The following SP140 variants were observed in gnomAD, a reference collection of about 807,000 sequenced individuals.
SP140 encodes the protein nuclear body protein SP140.
Under a neutral mutation model 125.0 loss-of-function variants are expected in SP140, and 81 were observed. The observed-to-expected ratio is 0.65, with a 90% CI of 0.54 to 0.78. The LOEUF (loss-of-function observed/expected upper bound fraction) is 0.78. Among genes scored for constraint, SP140 ranks in the 30% least tolerant of loss-of-function variants. SP140 has a pLI of 0.00. For synonymous variants in SP140, 312 were observed against 354.0 expected, an observed-to-expected ratio of 0.88 and a Z score of 1.33; for missense variants, 858 against 1,037.0, an observed-to-expected ratio of 0.83 and a Z score of 2.37.
At chr2:230,268,225 T>A (rs2149339825) in intron 12 of SP140, among the ~76,000 whole-genome samples, 1 of 152,184 alleles carries the variant, frequency 6.6e-6, no homozygotes, top group South Asian at 2.1e-4. Context: ...TAAGACTTTT[T>A]AAAAATAGAC....
chr2:230,252,288 T>G (rs2050488880), intron 10 of SP140, among the ~76,000 whole-genome samples: 3 of 151,752 alleles, frequency 2.0e-5, no homozygotes, highest in Non-Finnish European at 2.9e-5. Flanking sequence ...GAAGAGAAAG[T>G]CCACAGAGCC....
intron 15 of SP140, among the ~76,000 whole-genome samples, chr2:230,274,672 T>A (rs1346498742): frequency 6.6e-6 from 1 of 152,094 alleles, no homozygotes; most frequent in Non-Finnish European, 1.5e-5. Context: ...CAATACCTTT[T>A]GTAAGACAAA....
intron 7 of SP140, among the ~76,000 whole-genome samples, chr2:230,247,661 A>C (rs150144429): frequency 6.6e-6 from 1 of 152,316 alleles, no homozygotes; most frequent in East Asian, 1.9e-4. Flanking sequence ...TGGGGTCATA[A>C]GGATTAAATC....
rs570358235 is a variant in SP140 at position 230,308,375 on chromosome 2, A to C, written c.2059-1549A>C. On this transcript the variant is annotated intron_variant, in intron 22 of 26. Coordinates refer to ENST00000392045, the MANE Select transcript of SP140 (RefSeq NM_007237.5). ...GTAACCAAAAACCACCTGTTCCCCC[A>C]AAACTATTGAAATAATAATTTTTTA... 1.1e-4 allele frequency among the ~76,000 whole-genome samples: 16 copies of C among 152,132 alleles called. No individual in the cohort carries two copies. The East Asian group carries it at 2.7e-3, about 26-fold the overall frequency.
In SP140 at chr2:230,260,082, C is replaced by T. The variant is rs568426522; in HGVS notation, c.1240+4550C>T. On this transcript the variant is annotated intron_variant, in intron 12 of 26. Transcript: ENST00000392045. ...CAGCAGTGTAGAAGTGTTCCCTATTCACTGCATCCATGCCAGCATCTACTG... is the reference window on the plus strand; with the variant it reads ...CAGCAGTGTAGAAGTGTTCCCTATTTACTGCATCCATGCCAGCATCTACTG... Among the ~76,000 whole-genome samples, 5 of 152,186 alleles carry T rather than the reference C, an allele frequency of 3.3e-5. No individual in the cohort carries two copies. The South Asian group carries it at 1.0e-3, about 32-fold the overall frequency.
chr2:230,217,522 G>A (rs1322209969), intron 3 of SP140, among the ~76,000 whole-genome samples: 3 of 152,194 alleles, frequency 2.0e-5, no homozygotes, highest in African/African-American at 4.8e-5. Context: ...TATTTATGGA[G>A]TGTTTCCTGT....
chr2:230,304,335 A>G (rs2058564062), intron 22 of SP140, among the ~76,000 whole-genome samples: 1 of 152,234 alleles, frequency 6.6e-6, no homozygotes, highest in Admixed American at 6.5e-5. Flanking sequence ...GGCCAATAGC[A>G]ATCTGGAAAG....
In SP140 at chr2:230,290,544, A is replaced by T. The variant is rs770920488; in HGVS notation, c.1805A>T (p.His602Leu). 3.1e-5 allele frequency: 50 copies of T among 1,613,570 alleles called. No individual in the cohort carries two copies. The highest frequency in any genetic ancestry group is 4.0e-5 in the Non-Finnish European group (47 of 1,179,718). ...VTCGGVKGIL[H>L]KKKLQQGILV... is the part of the protein sequence containing the mutation. ...TGTGGTGGGGTGAAGGGAATTTTACATAAGAAGAAATTGCAGCAAGGTAGG... is the reference window on the plus strand; with the variant it reads ...TGTGGTGGGGTGAAGGGAATTTTACTTAAGAAGAAATTGCAGCAAGGTAGG... The change falls in exon 19 of 27, where the codon CAT becomes CTT. Residue 602 changes from histidine (H) to leucine (L), a missense_variant. By Grantham distance (99) the His-to-Leu change is moderately conservative. Coordinates refer to ENST00000392045, the MANE Select transcript of SP140 (RefSeq NM_007237.5).
In SP140 at chr2:230,237,137, C is replaced by G. The variant is rs1481136295; in HGVS notation, c.114C>G (p.Cys38Trp). Residue 38 changes from cysteine (C) to tryptophan (W), a missense_variant, in exon 2 of 27, where the codon TGC (cysteine) becomes TGG (tryptophan). Transcript: ENST00000392045. This position sits in a 1 kb window ranked among gnomAD's most constrained non-coding sequence, Gnocchi z 5.4. ...GTCAGAACCTGCAGGAGCAGGTTTG[C>G]CCTGAGCCCATTTTCAGGTTCTTCA... is the stretch of plus-strand genomic sequence containing the variant. ...VEGQNLQEQV[C>W]PEPIFRFFRE... 1 of 1,612,902 alleles carries G rather than the reference C, an allele frequency of 6.2e-7. No homozygotes were observed. The highest frequency in any genetic ancestry group is 1.7e-5 in the Admixed American group (1 of 59,806).
intron 10 of SP140, among the ~76,000 whole-genome samples, chr2:230,252,419 AG>A (rs2050511116): frequency 6.6e-6 from 1 of 152,078 alleles, no homozygotes. Context: ...GCACAGGACC[AG>A]GGATGCAAGA....
chr2:230,278,564 A>G (rs2055057287), intron 15 of SP140, among the ~76,000 whole-genome samples: 1 of 152,084 alleles, frequency 6.6e-6, no homozygotes, highest in Non-Finnish European at 1.5e-5. Context: ...ATATCTAAAG[A>G]ATAATTGCCC....
chr2:230,237,097 T>C lies in SP140; in HGVS notation c.74T>C (p.Ile25Thr). ...TTGTTTCTTAGGATGGTCGCAGAGA[T>C]CCAGAACGTAGAGGGTCAGAACCTG... is the stretch of plus-strand genomic sequence containing the variant. Reference protein sequence around the residue: ...SNLNFRMVAEIQNVEGQNLQE... With the variant: ...SNLNFRMVAETQNVEGQNLQE... Residue 25 changes from isoleucine (I) to threonine (T), a missense_variant, in exon 2 of 27, where the codon ATC becomes ACC. Around this residue, in one of 4 missense-constraint regions of SP140, gnomAD observed 791 missense variants for 869.5 expected, o/e 0.91. Transcript: ENST00000392045. The surrounding 1 kb of genome is among the most constrained non-coding windows in gnomAD (Gnocchi z 5.4). 1 of 1,591,642 alleles carries C rather than the reference T, an allele frequency of 6.3e-7. No homozygotes were observed.
In SP140 at chr2:230,278,731, T is replaced by A. The variant is rs141764786; in HGVS notation, c.1499-5615T>A. Among the ~76,000 whole-genome samples the A allele has an allele frequency of 8.3e-4, 127 of 152,208 alleles. 1 individual carries two copies. The highest frequency in any genetic ancestry group is 2.9e-3 in the African/African-American group (119 of 41,566). On this transcript the variant is annotated intron_variant, in intron 15 of 26. Coordinates refer to ENST00000392045, the MANE Select transcript of SP140 (RefSeq NM_007237.5). The stretch of plus-strand genomic sequence containing the variant: ...TTTTGCTTGTGGATATTCAGTTTTC[T>A]TAGGACCATTTATTGAAGAGACTGT...
intron 2 of SP140, 144 bp from the exon 3 acceptor site, chr2:230,238,069 A>G: frequency 1.7e-6 from 1 of 574,054 alleles, no homozygotes; most frequent in South Asian, 2.7e-5. Context: ...GTGTATTTTT[A>G]TGGTGGAGGA....
intron 21 of SP140, among the ~76,000 whole-genome samples, chr2:230,294,920 T>C (rs1440905336): frequency 2.0e-5 from 3 of 152,226 alleles, no homozygotes; most frequent in Non-Finnish European, 4.4e-5. Context: ...TATTTCCTGT[T>C]ACCACAATGG....
chr2:230,294,235 AG>A, intron 20 of SP140, 35 bp from the exon 21 acceptor site: 1 of 1,588,042 alleles, frequency 6.3e-7, no homozygotes, highest in Non-Finnish European at 8.6e-7. Context: ...ACGGAAACAC[AG>A]GCTGACCATA....
At chr2:230,196,535 C>CT in the SP140 span, among the ~76,000 whole-genome samples, 2 of 94,068 alleles carry the variant, frequency 2.1e-5, no homozygotes, top group Non-Finnish European at 4.7e-5. Flanking sequence ...TTATAATTTT[C>CT]TTTTTTTTAA....
intron 3 of SP140, chr2:230,214,884 A>T: frequency 7.4e-7 from 1 of 1,359,244 alleles, no homozygotes; most frequent in East Asian, 2.3e-5. Context: ...ACAGGGCTAG[A>T]AGTAAACCCA....
chr2:230,249,649 G>A (rs1294195826), intron 9 of SP140, among the ~76,000 whole-genome samples: 2 of 152,046 alleles, frequency 1.3e-5, no homozygotes, highest in African/African-American at 4.8e-5. Context: ...ACAAATGGTA[G>A]CAAATACAAT....
Sources: gnomAD v4.1 joint callset for allele counts (sites outside exome capture counted in the v4.1 genomes callset) on GRCh38, gnomAD v4.1.1 for gene constraint, gnomAD v4.1.1 regional missense constraint, Gnocchi (gnomAD v3.1) non-coding constraint, MANE v1.5 for transcripts, NCBI Gene and HGNC (gene_info 2026-07-23, HGNC 2026-07-21) for gene names.